Variants in TMEM134 observed in about 807,000 individuals in gnomAD.
TMEM134 encodes transmembrane protein 134.
A neutral mutation model predicts 26.2 loss-of-function variants in TMEM134; 36 were observed. That is an observed-to-expected ratio of 1.37 (90% CI 1.05 to 1.81). TMEM134 has a LOEUF of 1.81. Ranked by LOEUF, TMEM134 falls within the 40% of genes most tolerant of loss-of-function variation. The pLI is 0.00. For missense variants in TMEM134, 339 were observed against 263.5 expected, an observed-to-expected ratio of 1.29 and a Z score of -1.98; for synonymous variants, 133 against 113.6, an observed-to-expected ratio of 1.17 and a Z score of -1.08.
At chr11:67,467,470 C>G (rs1227414839) in intron 3 of TMEM134, 31 bp downstream of exon 3, 1 of 1,613,450 alleles carries the variant, frequency 6.2e-7, no homozygotes, top group Non-Finnish European at 8.5e-7. Context: ...GCCAGGGCTG[C>G]TCGGCTGGGG....
At chr11:67,465,606 C>T (rs1399118237) in intron 4 of TMEM134, among the ~76,000 whole-genome samples, 1 of 152,094 alleles carries the variant, frequency 6.6e-6, no homozygotes, top group African/African-American at 2.4e-5. Flanking sequence ...CCACCATGGA[C>T]TGCTTTGTGC....
In TMEM134 at chr11:67,461,916, T is replaced by C. The variant is rs1865027169; in HGVS notation, c.*2698A>G. The C allele has an allele frequency of 6.6e-6, 1 of 152,164 alleles. No individual in the cohort carries two copies. The highest frequency in any genetic ancestry group is 6.6e-5 in the Admixed American group (1 of 15,262). 9.4% of individuals were successfully genotyped at this position (152,164 alleles called of 1,614,324 possible). On this transcript the variant is annotated 3_prime_UTR_variant, in exon 7 of 7. Transcript: ENST00000308022. ...ATGATGGGAATCACCACTTCTGAAATTGCTTTCTGTTAAGACTGTAGAATG... is the reference window on the plus strand; with the variant it reads ...ATGATGGGAATCACCACTTCTGAAACTGCTTTCTGTTAAGACTGTAGAATG...
At position 67,467,383 on chromosome 11, in the gene TMEM134, G is replaced by A. The variant is rs1390552184; in HGVS notation, c.335C>T (p.Thr112Ile). Residue 112 changes from threonine (T) to isoleucine (I), a missense_variant, in exon 4 of 7, where the codon ACC becomes ATC. Coordinates refer to ENST00000308022, the MANE Select transcript of TMEM134 (RefSeq NM_025124.4). ...GTTCTTCTGGATCAAAGGGTGTTGG[G>A]TCCAGCTGGGTGGCAGGAGAGCAGG... ...QRSYNTCCSW[T>I]QHPLIQKNRR... 1.2e-6 allele frequency: 2 copies of A among 1,613,912 alleles called. No homozygotes were observed. Among genetic ancestry groups the A allele is most frequent in the Admixed American group, 1.7e-5 (1 of 60,026 alleles).
intron 4 of TMEM134, 38 bp from the exon 5 acceptor site, chr11:67,465,138 C>A (rs752072992): frequency 1.3e-6 from 2 of 1,551,660 alleles, no homozygotes; most frequent in Admixed American, 3.9e-5. Flanking sequence ...GGGGCAGGAG[C>A]AGTGGTGAGG....
intron 5 of TMEM134, 82 bp downstream of exon 5, chr11:67,464,974 C>A: frequency 6.6e-7 from 1 of 1,504,076 alleles, no homozygotes; most frequent in East Asian, 2.3e-5. Flanking sequence ...CGTGTACTGC[C>A]GGGAGGTGGG....
intron 4 of TMEM134, chr11:67,465,780 A>T (rs1233922821): frequency 6.6e-6 from 1 of 152,222 alleles, no homozygotes; most frequent in Non-Finnish European, 1.5e-5. Flanking sequence ...TTAAAAAAAA[A>T]TTAGCCCAGC....
intron 1 of TMEM134, among the ~76,000 whole-genome samples, chr11:67,468,733 G>A (rs2134236274): frequency 6.6e-6 from 1 of 152,328 alleles, no homozygotes; most frequent in African/African-American, 2.4e-5. Context: ...CCAGGTGCGA[G>A]TAGCCAGGAT....
chr11:67,468,223 C>T (rs943113680), intron 1 of TMEM134, 131 bp from the exon 2 acceptor site: 3 of 799,780 alleles, frequency 3.8e-6, no homozygotes, highest in Non-Finnish European at 6.2e-6. Context: ...GGCCCTCTGC[C>T]CTCCCCGCAG....
chr11:67,466,307 C>T lies in TMEM134; in HGVS notation c.406+1005G>A, dbSNP rs551777736. ...AGGTTGCAGTGAGCCGAGATTGCGCCACTACACTCCTGCCTGGGCGACAGA... is the reference window on the plus strand; with the variant it reads ...AGGTTGCAGTGAGCCGAGATTGCGCTACTACACTCCTGCCTGGGCGACAGA... On this transcript the variant is annotated intron_variant, in intron 4 of 6. Transcript: ENST00000308022. The T allele has an allele frequency of 2.6e-5, 4 of 152,360 alleles. No individual in the cohort carries two copies. The East Asian group carries it at 7.7e-4, about 29-fold the overall frequency. 9.4% of individuals were successfully genotyped at this position (152,360 alleles called of 1,614,324 possible).
chr11:67,467,955 G>T (rs1407480405), intron 2 of TMEM134, 73 bp downstream of exon 2: 4 of 1,361,432 alleles, frequency 2.9e-6, no homozygotes, highest in African/African-American at 1.4e-5. Flanking sequence ...AAGTGGGGTG[G>T]GTGACTGAGC....
In TMEM134 at chr11:67,464,452, G is replaced by A. The variant is rs1865106931; in HGVS notation, c.*162C>T. ...TAAGGCACAGAGCAGGCGACGGGCG[G>A]CTTTCCCAGGGCCAGGCCTGCATGC... On this transcript the variant is annotated 3_prime_UTR_variant, in exon 7 of 7. Transcript: ENST00000308022. 4 of 698,548 alleles carry A rather than the reference G, an allele frequency of 5.7e-6. No individual in the cohort carries two copies. Among genetic ancestry groups the A allele is most frequent in the African/African-American group, 3.6e-5 (2 of 55,242 alleles). 43.3% of individuals were successfully genotyped at this position (698,548 alleles called of 1,614,324 possible).
chr11:67,467,579 C>T lies in TMEM134; in HGVS notation c.251G>A (p.Arg84Gln), dbSNP rs373505086. 6 of 1,613,838 alleles carry T rather than the reference C, an allele frequency of 3.7e-6. No homozygotes were observed. The highest frequency in any genetic ancestry group is 1.3e-5 in the African/African-American group (1 of 74,892). The change falls in exon 3 of 7, where the codon CGA becomes CAA. Residue 84 changes from arginine to glutamine, a missense_variant. By Grantham distance (43) the Arg-to-Gln change is conservative. Coordinates refer to ENST00000308022, the MANE Select transcript of TMEM134 (RefSeq NM_025124.4). ...CCACTGGGAGCTGCGGATGGAAGTT[C>T]GGCTGGAATCCCTGCCAGGACAGGC... ...DGGVGTRDSS[R>Q]TSIRSSQWSF...
rs2135198456 is a variant in TMEM134 at position 67,462,281 on chromosome 11, G to A, written c.*2333C>T. 1 of 148,724 alleles carries A rather than the reference G, an allele frequency of 6.7e-6. No homozygotes were observed. The highest frequency in any genetic ancestry group is 2.5e-5 in the African/African-American group (1 of 40,528). 9.2% of individuals were successfully genotyped at this position (148,724 alleles called of 1,614,324 possible). ...TTTTGTCATTTTTCCTTTTTCCTATGTTTGTTCTGATTATATTTATTGAAA... is the reference window on the plus strand; with the variant it reads ...TTTTGTCATTTTTCCTTTTTCCTATATTTGTTCTGATTATATTTATTGAAA... On this transcript the variant is annotated 3_prime_UTR_variant, in exon 7 of 7. Transcript: ENST00000308022.
chr11:67,464,896 G>C (rs746528774), intron 5 of TMEM134, 40 bp from the exon 6 acceptor site: 1 of 1,604,178 alleles, frequency 6.2e-7, no homozygotes, highest in South Asian at 1.1e-5. Context: ...CGAGGGGGCG[G>C]AGGCTTCGAG....
chr11:67,464,458 C>A lies in TMEM134; in HGVS notation c.*156G>T, dbSNP rs1485201227. The A allele has an allele frequency of 8.1e-6, 6 of 737,184 alleles. No individual in the cohort carries two copies. Among genetic ancestry groups the A allele is most frequent in the Admixed American group, 2.8e-5 (1 of 35,476 alleles). The allele number at this position is 737,184 out of a possible 1,614,324, so 45.7% of individuals were successfully genotyped here. A position where few individuals can be genotyped will look rare whatever the true frequency, so the allele number is the denominator to read the frequency against. ...ACAGAGCAGGCGACGGGCGGCTTTC[C>A]CAGGGCCAGGCCTGCATGCCCCGAA... On this transcript the variant is annotated 3_prime_UTR_variant, in exon 7 of 7. Transcript: ENST00000308022.
chr11:67,465,363 G>T, intron 4 of TMEM134: 1 of 943,374 alleles, frequency 1.1e-6, no homozygotes, highest in Non-Finnish European at 1.4e-6. Flanking sequence ...TGCGTGCCTG[G>T]TACTGGGAAT....
Position 67,462,413 on chromosome 11 carries a change from G to C in TMEM134, c.*2201C>G, listed in dbSNP as rs1230077339. The C allele has an allele frequency of 6.6e-6, 1 of 150,800 alleles. No individual in the cohort carries two copies. Among genetic ancestry groups the C allele is most frequent in the African/African-American group, 2.4e-5 (1 of 41,096 alleles). The allele number at this position is 150,800 out of a possible 1,614,324, so 9.3% of individuals were successfully genotyped here. On this transcript the variant is annotated 3_prime_UTR_variant, in exon 7 of 7. Coordinates refer to ENST00000308022, the MANE Select transcript of TMEM134 (RefSeq NM_025124.4). ...CTGTCGCTCAGGCTGGAGTGTAGTGGCGTGATCTCGGCTCACTGCAACCTC... is the reference window on the plus strand; with the variant it reads ...CTGTCGCTCAGGCTGGAGTGTAGTGCCGTGATCTCGGCTCACTGCAACCTC...
At chr11:67,468,888 G>C (rs1207318640) in intron 1 of TMEM134, 131 bp downstream of exon 1, 2 of 945,046 alleles carry the variant, frequency 2.1e-6, no homozygotes, top group African/African-American at 3.4e-5. Context: ...TCACGTCCGC[G>C]GGGCGGGGGG....
chr11:67,464,593 G>C lies in TMEM134; in HGVS notation c.*21C>G, dbSNP rs558149944. 4 of 1,551,156 alleles carry C rather than the reference G, an allele frequency of 2.6e-6. No individual in the cohort carries two copies. The highest frequency in any genetic ancestry group is 2.6e-6 in the Non-Finnish European group (3 of 1,146,572). On this transcript the variant is annotated 3_prime_UTR_variant, in exon 7 of 7. Coordinates refer to ENST00000308022, the MANE Select transcript of TMEM134 (RefSeq NM_025124.4). ...AAGAGGGGCGCCCCCATGGGCGCAA[G>C]GGGTCCACGCTGCGCCGCGATCACT...
Sources: allele counts gnomAD v4.1 joint callset (sites outside exome capture counted in the v4.1 genomes callset), GRCh38; gene constraint gnomAD v4.1.1; transcripts MANE v1.5; gene names NCBI Gene and HGNC (gene_info 2026-07-23, HGNC 2026-07-21).